CABCOCO1: variants seen among roughly 807,000 people sequenced by gnomAD.
The protein encoded by CABCOCO1 is ciliary associated calcium binding coiled-coil 1, also known as ciliary-associated calcium-binding coiled-coil protein 1.
CABCOCO1 carries 28 observed loss-of-function variants against 35.7 expected under a neutral mutation model. The observed-to-expected ratio is 0.78, with a 90% CI of 0.58 to 1.07. CABCOCO1 has a LOEUF of 1.07. Ranked by LOEUF, CABCOCO1 falls within the 50% of genes least tolerant of loss-of-function variation. The pLI is 0.00. For synonymous variants in CABCOCO1, 95 were observed against 100.1 expected (o/e 0.95, Z 0.30); for missense variants, 326 against 309.2 (o/e 1.05, Z -0.41).
intron 1 of CABCOCO1, among the ~76,000 whole-genome samples, chr10:61,669,613 A>G (rs1367932953): frequency 7.2e-5 from 11 of 152,110 alleles, no homozygotes. Flanking sequence ...CAGGAATATA[A>G]TTTAAAACAG....
chr10:61,760,935 G>T lies in CABCOCO1; in HGVS notation c.748G>T (p.Gly250Cys). ...TDTSDMDPLV[G>C]FTIEDVKSVL... Reference sequence around the variant, plus strand: ...CACCTCAGACATGGATCCTTTAGTTGGTTTTACCATTGAAGATGTAAAATC... The same window carrying T: ...CACCTCAGACATGGATCCTTTAGTTTGTTTTACCATTGAAGATGTAAAATC... Residue 250 changes from glycine to cysteine, a missense_variant, in exon 7 of 8, where the codon GGT becomes TGT. Transcript: ENST00000648843. 6.2e-7 allele frequency: 1 copy of T among 1,612,744 alleles called. No homozygotes were observed. Among genetic ancestry groups the T allele is most frequent in the South Asian group, 1.1e-5 (1 of 91,036 alleles).
chr10:61,676,505 C>A (rs902183916), intron 2 of CABCOCO1, among the ~76,000 whole-genome samples: 4 of 151,934 alleles, frequency 2.6e-5, no homozygotes, highest in African/African-American at 9.7e-5. Context: ...GCAGATGACC[C>A]CTATTTATAG....
At chr10:61,728,739 C>A (rs1409759894) in intron 5 of CABCOCO1, among the ~76,000 whole-genome samples, 1 of 152,088 alleles carries the variant, frequency 6.6e-6, no homozygotes, top group African/African-American at 2.4e-5. Context: ...CGAGATGGAG[C>A]TTATCCATCC....
chr10:61,691,759 CTG>C, intron 5 of CABCOCO1, among the ~76,000 whole-genome samples: 1 of 152,146 alleles, frequency 6.6e-6, no homozygotes, highest in East Asian at 1.9e-4. Context: ...TTCTCTGTTC[CTG>C]TGTTAGTTTG....
chr10:61,741,443 A>G (rs1161664653), intron 5 of CABCOCO1, among the ~76,000 whole-genome samples: 1 of 152,194 alleles, frequency 6.6e-6, no homozygotes, highest in African/African-American at 2.4e-5. Flanking sequence ...TAAGGAGTAA[A>G]GAGTATTTTA....
At chr10:61,735,376 A>T (rs11598771) in intron 5 of CABCOCO1, among the ~76,000 whole-genome samples, 96,932 of 151,920 alleles carry the variant, frequency 0.64, 32,938 homozygotes, top group Middle Eastern at 0.84. Flanking sequence ...GGTGAAATCA[A>T]CTAAGAAGAG....
At chr10:61,718,133 T>C (rs764924290) in intron 5 of CABCOCO1, among the ~76,000 whole-genome samples, 7 of 152,188 alleles carry the variant, frequency 4.6e-5, no homozygotes, top group Non-Finnish European at 8.8e-5. Flanking sequence ...AGTTTTAACA[T>C]AGGAAAGTTC....
chr10:61,748,161 G>T (rs181820541), intron 5 of CABCOCO1, among the ~76,000 whole-genome samples: 1 of 148,350 alleles, frequency 6.7e-6, no homozygotes, highest in African/African-American at 2.5e-5. Flanking sequence ...AGATACGGGG[G>T]AAAAAAAAAA....
At chr10:61,751,213 CTTTTTTTTTTTTT>C (rs57540074) in intron 5 of CABCOCO1, among the ~76,000 whole-genome samples, 2 of 106,506 alleles carry the variant, frequency 1.9e-5, no homozygotes, top group African/African-American at 7.4e-5. Context: ...TTGCCTTGCT[CTTTTTTTTTTTTT>C]TTTTTTTTTT....
chr10:61,760,318 G>T, intron 6 of CABCOCO1, 137 bp downstream of exon 6: 1 of 1,243,918 alleles, frequency 8.0e-7, no homozygotes. Context: ...TTCTCTAAGT[G>T]TTGATTCAAA....
chr10:61,669,080 C>A (rs189170929), intron 1 of CABCOCO1, among the ~76,000 whole-genome samples: 50 of 147,184 alleles, frequency 3.4e-4, no homozygotes, highest in African/African-American at 1.2e-3. Context: ...TCCTCTGTGA[C>A]TAGGAAACTT....
intron 5 of CABCOCO1, among the ~76,000 whole-genome samples, chr10:61,727,359 C>T (rs143836455): frequency 6.6e-6 from 1 of 152,208 alleles, no homozygotes; most frequent in African/African-American, 2.4e-5. Context: ...TTGTTCATTT[C>T]ATAAATCTCA....
At position 61,747,996 on chromosome 10, in the gene CABCOCO1, A is replaced by G. The variant is rs569141215; in HGVS notation, c.553-12063A>G. Reference sequence around the variant, plus strand: ...ATCCTAATATTCCAGTTTTATCACCACAATCAATTCATTCTACATAACTTC... The same window carrying G: ...ATCCTAATATTCCAGTTTTATCACCGCAATCAATTCATTCTACATAACTTC... On this transcript the variant is annotated intron_variant, in intron 5 of 7. Transcript: ENST00000648843. Among the ~76,000 whole-genome samples, 214 of 152,280 alleles carry G rather than the reference A, an allele frequency of 1.4e-3. 1 individual carries two copies. The highest frequency in any genetic ancestry group is 0.014 in the Middle Eastern group (4 of 294).
intron 5 of CABCOCO1, among the ~76,000 whole-genome samples, chr10:61,695,663 A>G (rs1695721669): frequency 6.6e-6 from 1 of 152,104 alleles, no homozygotes; most frequent in South Asian, 2.1e-4. Context: ...AGAAGTAGCA[A>G]TAAGACTGAC....
intron 1 of CABCOCO1, among the ~76,000 whole-genome samples, chr10:61,669,413 AT>A (rs1249820670): frequency 2.0e-5 from 3 of 152,048 alleles, no homozygotes; most frequent in Non-Finnish European, 4.4e-5. Context: ...TGGAGATGTA[AT>A]TTTACAGAGA....
chr10:61,714,819 C>T (rs1180063557), intron 5 of CABCOCO1, among the ~76,000 whole-genome samples: 1 of 152,012 alleles, frequency 6.6e-6, no homozygotes, highest in Non-Finnish European at 1.5e-5. Flanking sequence ...TAGTTGTGCA[C>T]TTTTGAGTGA....
rs1376603900 is a variant in CABCOCO1, at chr10:61,737,079, TTGTC to T, written c.553-22979_553-22976del. ...GGGGTTTTATAGATAGAGAATTATC[TTGTC>T]ATATGCAAACAGAGCTAGTTTGGCT... is the stretch of plus-strand genomic sequence containing the variant. On this transcript the variant is annotated intron_variant, in intron 5 of 7. Coordinates refer to ENST00000648843, the MANE Select transcript of CABCOCO1 (RefSeq NM_001366906.2). Among the ~76,000 whole-genome samples, 12 of 152,250 alleles carry T rather than the reference TTGTC, an allele frequency of 7.9e-5. No homozygotes were observed. The East Asian group carries it at 2.3e-3, about 29-fold the overall frequency.
intron 5 of CABCOCO1, among the ~76,000 whole-genome samples, chr10:61,702,361 A>G (rs1302376051): frequency 6.6e-6 from 1 of 152,148 alleles, no homozygotes; most frequent in Non-Finnish European, 1.5e-5. Context: ...TCCAAAATTT[A>G]TGATCAGCTA....
At chr10:61,702,896 A>T (rs1840495749) in intron 5 of CABCOCO1, among the ~76,000 whole-genome samples, 1 of 151,816 alleles carries the variant, frequency 6.6e-6, no homozygotes, top group African/African-American at 2.4e-5. Flanking sequence ...CACCATTGAC[A>T]TTATAGGAGT....
Sources: gnomAD v4.1 joint callset for allele counts (sites outside exome capture counted in the v4.1 genomes callset) on GRCh38, gnomAD v4.1.1 for gene constraint, MANE v1.5 for transcripts, NCBI Gene and HGNC (gene_info 2026-07-23, HGNC 2026-07-21) for gene names.